PLEKHA2: variants seen among roughly 807,000 people sequenced by gnomAD.
PLEKHA2 encodes the protein pleckstrin homology domain containing A2, also known as pleckstrin homology domain-containing family A member 2.
Under a neutral mutation model 53.2 loss-of-function variants are expected in PLEKHA2, and 28 were observed. The ratio of observed to expected loss-of-function variants is 0.53; its 90% CI spans 0.39 to 0.72. The LOEUF is 0.72. PLEKHA2 is among the 30% of genes least tolerant of loss of function. PLEKHA2 has a pLI of 0.00. For synonymous variants in PLEKHA2, 193 were observed against 196.4 expected (o/e 0.98, Z 0.14); for missense variants, 426 against 537.9 (o/e 0.79, Z 2.06).
chr8:38,950,616 A>G (rs1834815454), intron 5 of PLEKHA2: 2 of 404,022 alleles, frequency 5.0e-6, no homozygotes, highest in East Asian at 8.0e-5. Flanking sequence ...GGGCTGGCTC[A>G]TAAGTAGGCG....
intron 2 of PLEKHA2, among the ~76,000 whole-genome samples, chr8:38,924,690 A>C (rs1421603605): frequency 6.6e-6 from 1 of 152,238 alleles, no homozygotes; most frequent in Non-Finnish European, 1.5e-5. Context: ...TGGAAGGCAC[A>C]GCCAAATGGC....
Position 38,969,586 on chromosome 8 carries a change from C to G in PLEKHA2, c.1081C>G (p.Pro361Ala). The G allele has an allele frequency of 6.2e-7, 1 of 1,610,218 alleles. No homozygotes were observed. The highest frequency in any genetic ancestry group is 8.5e-7 in the Non-Finnish European group (1 of 1,178,216). ...ASSWQPWTPV[P>A]QAGEKLLPPG... Reference sequence around the variant, plus strand: ...CTCCTGGCAGCCCTGGACACCTGTCCCCCAGGCTGGGGAGAAGCTGCTTCC... The same window carrying G: ...CTCCTGGCAGCCCTGGACACCTGTCGCCCAGGCTGGGGAGAAGCTGCTTCC... The change falls in exon 12 of 12, where the codon CCC (proline) becomes GCC (alanine). Residue 361 changes from proline to alanine, a missense_variant. Transcript: ENST00000617275.
At chr8:38,906,577 C>G (rs547180665) in intron 1 of PLEKHA2, among the ~76,000 whole-genome samples, 1 of 152,342 alleles carries the variant, frequency 6.6e-6, no homozygotes, top group South Asian at 2.1e-4. Flanking sequence ...TGCACTTCCT[C>G]TGGGAACTTG....
At chr8:38,962,266 A>G (rs942024778) in intron 10 of PLEKHA2, among the ~76,000 whole-genome samples, 2 of 152,158 alleles carry the variant, frequency 1.3e-5, no homozygotes, top group Non-Finnish European at 2.9e-5. Flanking sequence ...AAGTGGAAGG[A>G]TTGTTGGAGC....
At chr8:38,904,844 A>G (rs1164118935) in intron 1 of PLEKHA2, among the ~76,000 whole-genome samples, 1 of 152,186 alleles carries the variant, frequency 6.6e-6, no homozygotes, top group Non-Finnish European at 1.5e-5. Flanking sequence ...AGTAATGATG[A>G]CCATGTACTC....
chr8:38,934,614 C>T (rs151253548), intron 2 of PLEKHA2, among the ~76,000 whole-genome samples: 298 of 152,210 alleles, frequency 2.0e-3, no homozygotes, highest in African/African-American at 6.8e-3. Context: ...TGGCATGGGA[C>T]TGCCTTGGGT....
At chr8:38,919,639 A>G (rs1834143095) in intron 2 of PLEKHA2, among the ~76,000 whole-genome samples, 1 of 152,248 alleles carries the variant, frequency 6.6e-6, no homozygotes. Flanking sequence ...TCCAGGGACT[A>G]ATCATCTAGT....
rs561811937 is a variant in PLEKHA2, at chr8:38,972,421, G to A, written c.*2638G>A. ...AGGCTCTCTCAAACTCCTGGCCCAA[G>A]TGATCCTCCTGCCTTGGCCTCCTAA... On this transcript the variant is annotated 3_prime_UTR_variant, in exon 12 of 12. Coordinates refer to ENST00000617275, the MANE Select transcript of PLEKHA2 (RefSeq NM_021623.2). 2.0e-5 allele frequency: 3 copies of A among 152,252 alleles called. No homozygotes were observed. The highest frequency in any genetic ancestry group is 7.2e-5 in the African/African-American group (3 of 41,528). The allele number at this position is 152,252 out of a possible 1,614,324, so 9.4% of individuals were successfully genotyped here. A position where few individuals can be genotyped will look rare whatever the true frequency, so the allele number is the denominator to read the frequency against.
chr8:38,965,097 C>G (rs910438005), intron 10 of PLEKHA2, among the ~76,000 whole-genome samples: 1 of 151,692 alleles, frequency 6.6e-6, no homozygotes, highest in African/African-American at 2.4e-5. Context: ...AAAAGGAAAA[C>G]GGGGAAAAAA....
chr8:38,957,428 G>A (rs1203546938), intron 10 of PLEKHA2, 42 bp downstream of exon 10: 3 of 1,511,636 alleles, frequency 2.0e-6, no homozygotes, highest in East Asian at 2.3e-5. Context: ...TTCTGTTTCT[G>A]TGAATGGTGC....
intron 5 of PLEKHA2, among the ~76,000 whole-genome samples, chr8:38,948,154 T>C (rs969684100): frequency 1.3e-5 from 2 of 151,974 alleles, no homozygotes; most frequent in Admixed American, 1.3e-4. Flanking sequence ...ATCTGGGTCA[T>C]TTAGGGGAAA....
At chr8:38,957,430 G>T in intron 10 of PLEKHA2, 44 bp downstream of exon 10, 1 of 1,506,844 alleles carries the variant, frequency 6.6e-7, no homozygotes, top group African/African-American at 1.4e-5. Context: ...CTGTTTCTGT[G>T]AATGGTGCCC....
chr8:38,964,788 A>G (rs192434538), intron 10 of PLEKHA2, among the ~76,000 whole-genome samples: 1 of 144,432 alleles, frequency 6.9e-6, no homozygotes, highest in Admixed American at 7.0e-5. Flanking sequence ...TTTGCTCTCA[A>G]TTGTTATTTT....
At chr8:38,910,916 G>A (rs72636198) in intron 1 of PLEKHA2, among the ~76,000 whole-genome samples, 11,393 of 152,208 alleles carry the variant, frequency 0.075, 541 homozygotes, top group East Asian at 0.19. Flanking sequence ...TTTTAAAAAG[G>A]CCAATTATGT....
intron 2 of PLEKHA2, among the ~76,000 whole-genome samples, chr8:38,929,936 G>A (rs914856584): frequency 2.0e-5 from 3 of 152,156 alleles, no homozygotes; most frequent in Non-Finnish European, 4.4e-5. Context: ...TGGAAGAGGC[G>A]GAAGGGAGTA....
rs778803047 is a variant in PLEKHA2, at chr8:38,968,663, C to T, written c.909C>T (p.His303=). The T allele has an allele frequency of 2.7e-5, 43 of 1,613,794 alleles. No homozygotes were observed. The highest frequency in any genetic ancestry group is 3.6e-5 in the Non-Finnish European group (43 of 1,179,840). The change falls in exon 11 of 12, where the codon CAC becomes CAT. Residue 303 remains histidine, a synonymous_variant. Coordinates refer to ENST00000617275, the MANE Select transcript of PLEKHA2 (RefSeq NM_021623.2). ...CAGCTGTCCAGGCCCTCAAGTGCCA[C>T]CCCAGAGTAAGTCACTTCCTTTCTG... The part of the protein sequence containing the change: ...IGAAVQALKC[H]PRETSFSRSI...
At chr8:38,908,218 C>G (rs1484330352) in intron 1 of PLEKHA2, among the ~76,000 whole-genome samples, 1 of 152,090 alleles carries the variant, frequency 6.6e-6, no homozygotes, top group African/African-American at 2.4e-5. Flanking sequence ...TTCTTAAGAC[C>G]AGAGAGCAAG....
intron 10 of PLEKHA2, among the ~76,000 whole-genome samples, chr8:38,962,975 T>G (rs763483512): frequency 6.6e-5 from 10 of 152,206 alleles, no homozygotes; most frequent in Non-Finnish European, 1.3e-4. Context: ...AAAGGAGGGT[T>G]GCAGAGGTGG....
chr8:38,904,101 G>A (rs1378568295), intron 1 of PLEKHA2, among the ~76,000 whole-genome samples: 1 of 152,210 alleles, frequency 6.6e-6, no homozygotes, highest in Admixed American at 6.5e-5. Context: ...GACAGGCGGG[G>A]GAGATAGGGC....
Sources: allele counts gnomAD v4.1 joint callset (sites outside exome capture counted in the v4.1 genomes callset), GRCh38; gene constraint gnomAD v4.1.1; transcripts MANE v1.5; gene names NCBI Gene and HGNC (gene_info 2026-07-23, HGNC 2026-07-21).